The following LLPH variants were observed in gnomAD, a reference collection of about 807,000 sequenced individuals.
The protein encoded by LLPH is LLP homolog, long-term synaptic facilitation factor.
Under a neutral mutation model 13.3 loss-of-function variants are expected in LLPH, and 5 were observed. The ratio of observed to expected loss-of-function variants is 0.38; its 90% CI spans 0.20 to 0.79. LLPH has a LOEUF of 0.79. LLPH is among the 30% of genes least tolerant of loss of function. LLPH has a pLI of 0.45. For missense variants in LLPH, 129 were observed against 152.1 expected, an observed-to-expected ratio of 0.85 and a Z score of 0.80; for synonymous variants, 32 against 44.2, an observed-to-expected ratio of 0.72 and a Z score of 1.09.
At chr12:66,125,027 C>T (rs1265702851) in intron 2 of LLPH, among the ~76,000 whole-genome samples, 3 of 152,092 alleles carry the variant, frequency 2.0e-5, no homozygotes, top group Non-Finnish European at 4.4e-5. Context: ...TGTGAACAGC[C>T]ACTATACTCC....
intron 2 of LLPH, among the ~76,000 whole-genome samples, chr12:66,128,038 T>G (rs2051508623): frequency 6.6e-6 from 1 of 152,180 alleles, no homozygotes; most frequent in South Asian, 2.1e-4. Flanking sequence ...TAGACTTGGG[T>G]AGTGGAAAGA....
chr12:66,117,200 A>C lies in LLPH; in HGVS notation c.*6640T>G, dbSNP rs903975602. On this transcript the variant is annotated 3_prime_UTR_variant, in exon 3 of 3. Coordinates refer to ENST00000266604, the MANE Select transcript of LLPH (RefSeq NM_032338.4). ...CGTCCTGAGATAAAAAATATTCAAA[A>C]GAAAACTACAGTTGCATCTGTACTG... is the stretch of plus-strand genomic sequence containing the variant. 3.9e-5 allele frequency: 6 copies of C among 152,256 alleles called. No individual in the cohort carries two copies. Among genetic ancestry groups the C allele is most frequent in the Admixed American group, 3.3e-4 (5 of 15,290 alleles). The allele number at this position is 152,256 out of a possible 1,614,324, so 9.4% of individuals were successfully genotyped here. A position where few individuals can be genotyped will look rare whatever the true frequency, so the allele number is the denominator to read the frequency against.
At position 66,123,945 on chromosome 12, in the gene LLPH, T is replaced by C. The variant is rs1228599323; in HGVS notation, c.285A>G (p.Ile95Met). 38 of 1,612,646 alleles carry C rather than the reference T, an allele frequency of 2.4e-5. No individual in the cohort carries two copies. The highest frequency in any genetic ancestry group is 2.7e-5 in the Non-Finnish European group (32 of 1,178,890). ...TTTTTCTTTGCCTTTGGTTCATCCA[T>C]ATTGGGTACTGTCCATGCTGGTCTA... ...TLLDQHGQYPIWMNQRQRKRL... is the reference protein window; with the variant it reads ...TLLDQHGQYPMWMNQRQRKRL... Residue 95 changes from isoleucine to methionine, a missense_variant, in exon 3 of 3, where the codon ATA becomes ATG. By Grantham distance (10) the Ile-to-Met change is conservative (BLOSUM62 1). Coordinates refer to ENST00000266604, the MANE Select transcript of LLPH (RefSeq NM_032338.4).
chr12:66,129,152 T>C (rs775408302), intron 1 of LLPH, 39 bp from the exon 2 acceptor site: 3 of 1,365,084 alleles, frequency 2.2e-6, no homozygotes, highest in East Asian at 2.3e-5. Flanking sequence ...AGCAAATCTT[T>C]AATATAAAAA....
chr12:66,127,237 T>G (rs2051503200), intron 2 of LLPH, among the ~76,000 whole-genome samples: 1 of 152,218 alleles, frequency 6.6e-6, no homozygotes, highest in African/African-American at 2.4e-5. Flanking sequence ...AGCAGCACTA[T>G]TCACAACACC....
rs1419260950 is a variant in LLPH, at chr12:66,121,853, C to A, written c.*1987G>T. 2 of 138,020 alleles carry A rather than the reference C, an allele frequency of 1.4e-5. No homozygotes were observed. The highest frequency in any genetic ancestry group is 2.8e-5 in the African/African-American group (1 of 35,464). The allele number at this position is 138,020 out of a possible 1,614,324, so 8.5% of individuals were successfully genotyped here. On this transcript the variant is annotated 3_prime_UTR_variant, in exon 3 of 3. Coordinates refer to ENST00000266604, the MANE Select transcript of LLPH (RefSeq NM_032338.4). Reference sequence around the variant, plus strand: ...GGAGCCACACTTGTGCCAATCACTCCAGCCTGGGTGACAGAGTGAGACCCC... The same window carrying A: ...GGAGCCACACTTGTGCCAATCACTCAAGCCTGGGTGACAGAGTGAGACCCC...
rs957980552 is a variant in LLPH at position 66,118,707 on chromosome 12, CAAT to C, written c.*5130_*5132del. 6.6e-6 allele frequency: 1 copy of C among 152,182 alleles called. No individual in the cohort carries two copies. Among genetic ancestry groups the C allele is most frequent in the African/African-American group, 2.4e-5 (1 of 41,436 alleles). 9.4% of individuals were successfully genotyped at this position (152,182 alleles called of 1,614,324 possible). Reference sequence around the variant, plus strand: ...GTAAGTACAGTCTATGATATTCACACAATGATTAACGATATTACCTAGTGACAC... The same window carrying C: ...GTAAGTACAGTCTATGATATTCACACGATTAACGATATTACCTAGTGACAC... On this transcript the variant is annotated 3_prime_UTR_variant, in exon 3 of 3. Coordinates refer to ENST00000266604, the MANE Select transcript of LLPH (RefSeq NM_032338.4).
chr12:66,119,545 A>G lies in LLPH; in HGVS notation c.*4295T>C, dbSNP rs559123458. 1.3e-5 allele frequency: 2 copies of G among 152,316 alleles called. No individual in the cohort carries two copies. Among genetic ancestry groups the G allele is most frequent in the African/African-American group, 4.8e-5 (2 of 41,580 alleles). 9.4% of individuals were successfully genotyped at this position (152,316 alleles called of 1,614,324 possible). Reference sequence around the variant, plus strand: ...AAAATTGGTATGTGTCTACTGCAACAGTGTTTTTATTAATACATGCAGGCA... The same window carrying G: ...AAAATTGGTATGTGTCTACTGCAACGGTGTTTTTATTAATACATGCAGGCA... On this transcript the variant is annotated 3_prime_UTR_variant, in exon 3 of 3. Coordinates refer to ENST00000266604, the MANE Select transcript of LLPH (RefSeq NM_032338.4).
rs1022629821 is a variant in LLPH, at chr12:66,120,981, G to T, written c.*2859C>A. ...CTCTTCAGCAGTCGCCTTTCCAGAG[G>T]CCATGTGACACTTGAGAACATGATT... On this transcript the variant is annotated 3_prime_UTR_variant, in exon 3 of 3. Coordinates refer to ENST00000266604, the MANE Select transcript of LLPH (RefSeq NM_032338.4). 1 of 152,142 alleles carries T rather than the reference G, an allele frequency of 6.6e-6. No individual in the cohort carries two copies. Among genetic ancestry groups the T allele is most frequent in the African/African-American group, 2.4e-5 (1 of 41,438 alleles). 9.4% of individuals were successfully genotyped at this position (152,142 alleles called of 1,614,324 possible).
chr12:66,127,213 A>C lies in LLPH; in HGVS notation c.211+1683T>G, dbSNP rs115982370. Reference sequence around the variant, plus strand: ...CCACTTATCAAACAAAACCTTGTGCACCTGAATGTTCACAGCAGCACTATT... The same window carrying C: ...CCACTTATCAAACAAAACCTTGTGCCCCTGAATGTTCACAGCAGCACTATT... On this transcript the variant is annotated intron_variant, in intron 2 of 2. Coordinates refer to ENST00000266604, the MANE Select transcript of LLPH (RefSeq NM_032338.4). 8.8e-3 allele frequency among the ~76,000 whole-genome samples: 1,322 copies of C among 150,206 alleles called. 26 individuals carry two copies. The highest frequency in any genetic ancestry group is 0.03 in the African/African-American group (1,252 of 41,526).
Position 66,121,586 on chromosome 12 carries a change from A to G in LLPH, c.*2254T>C, listed in dbSNP as rs2051463140. On this transcript the variant is annotated 3_prime_UTR_variant, in exon 3 of 3. Coordinates refer to ENST00000266604, the MANE Select transcript of LLPH (RefSeq NM_032338.4). ...CCTGGCCCCCTTTTCCAAAAATCATAAAAAATGTCTACATTAGGCCGGGTG... is the reference window on the plus strand; with the variant it reads ...CCTGGCCCCCTTTTCCAAAAATCATGAAAAATGTCTACATTAGGCCGGGTG... The G allele has an allele frequency of 6.6e-6, 1 of 151,938 alleles. No homozygotes were observed. The highest frequency in any genetic ancestry group is 1.5e-5 in the Non-Finnish European group (1 of 68,004). The allele number at this position is 151,938 out of a possible 1,614,324, so 9.4% of individuals were successfully genotyped here. A position where few individuals can be genotyped will look rare whatever the true frequency, so the allele number is the denominator to read the frequency against.
At chr12:66,124,593 C>T (rs2136828605) in intron 2 of LLPH, among the ~76,000 whole-genome samples, 1 of 152,292 alleles carries the variant, frequency 6.6e-6, no homozygotes, top group South Asian at 2.1e-4. Context: ...TGCAAACATG[C>T]TGTGGTACAC....
intron 2 of LLPH, 131 bp downstream of exon 2, chr12:66,128,765 C>A: frequency 1.5e-6 from 1 of 661,202 alleles, no homozygotes. Flanking sequence ...GAATCCGCTT[C>A]AGCTCAGGAA....
Position 66,118,984 on chromosome 12 carries a change from G to C in LLPH, c.*4856C>G, listed in dbSNP as rs958681468. ...TAGACTGACACCTCAAGGATCCCAA[G>C]GTGCCCATTTCAGCTCCCAAAATCT... On this transcript the variant is annotated 3_prime_UTR_variant, in exon 3 of 3. Coordinates refer to ENST00000266604, the MANE Select transcript of LLPH (RefSeq NM_032338.4). The C allele has an allele frequency of 2.0e-5, 3 of 152,066 alleles. No individual in the cohort carries two copies. Among genetic ancestry groups the C allele is most frequent in the Admixed American group, 6.5e-5 (1 of 15,268 alleles). The allele number at this position is 152,066 out of a possible 1,614,324, so 9.4% of individuals were successfully genotyped here. A position where few individuals can be genotyped will look rare whatever the true frequency, so the allele number is the denominator to read the frequency against.
chr12:66,125,467 G>C (rs796355225), intron 2 of LLPH, among the ~76,000 whole-genome samples: 17 of 152,266 alleles, frequency 1.1e-4, no homozygotes, highest in African/African-American at 3.8e-4. Context: ...CTTGAGGGTA[G>C]AGATGAGAGC....
At chr12:66,129,674 C>G (rs1592526978) in intron 1 of LLPH, among the ~76,000 whole-genome samples, 1 of 152,158 alleles carries the variant, frequency 6.6e-6, no homozygotes, top group Non-Finnish European at 1.5e-5. Context: ...CTTGAGCCAC[C>G]GCGCCCGGCT....
rs527805246 is a variant in LLPH, at chr12:66,120,016, C to A, written c.*3824G>T. On this transcript the variant is annotated 3_prime_UTR_variant, in exon 3 of 3. Transcript: ENST00000266604. The stretch of plus-strand genomic sequence containing the variant: ...GTAGAAAATAGGATGTGGTCAAAAC[C>A]ACTACTTGATTCTACCTTAGAGCTT... 1 of 152,182 alleles carries A rather than the reference C, an allele frequency of 6.6e-6. No homozygotes were observed. Among genetic ancestry groups the A allele is most frequent in the African/African-American group, 2.4e-5 (1 of 41,434 alleles). 9.4% of individuals were successfully genotyped at this position (152,182 alleles called of 1,614,324 possible).
rs1421052042 is a variant in LLPH, at chr12:66,122,020, CTAGTGT to C, written c.*1814_*1819del. On this transcript the variant is annotated 3_prime_UTR_variant, in exon 3 of 3. Coordinates refer to ENST00000266604, the MANE Select transcript of LLPH (RefSeq NM_032338.4). ...CATATTCACTTTTCCCTCACAAATG[CTAGTGT>C]TATTCATACCTACACCAAAGGCAAC... 2.9e-4 allele frequency: 44 copies of C among 151,738 alleles called. No homozygotes were observed. The highest frequency in any genetic ancestry group is 5.9e-4 in the Non-Finnish European group (40 of 67,978). The allele number at this position is 151,738 out of a possible 1,614,324, so 9.4% of individuals were successfully genotyped here.
chr12:66,123,798 C>T lies in LLPH; in HGVS notation c.*42G>A, dbSNP rs370487416. On this transcript the variant is annotated 3_prime_UTR_variant, in exon 3 of 3. Transcript: ENST00000266604. ...AGTATACATGTGTATACATTCTAAT[C>T]CGTCATCTATCCCATGTGGCATTTT... is the stretch of plus-strand genomic sequence containing the variant. The T allele has an allele frequency of 2.4e-4, 388 of 1,601,550 alleles. No individual in the cohort carries two copies. Among genetic ancestry groups the T allele is most frequent in the Non-Finnish European group, 3.1e-4 (369 of 1,174,906 alleles).
Sources: allele counts gnomAD v4.1 joint callset (sites outside exome capture counted in the v4.1 genomes callset), GRCh38; gene constraint gnomAD v4.1.1; transcripts MANE v1.5; gene names NCBI Gene and HGNC (gene_info 2026-07-23, HGNC 2026-07-21).